Variants in DTHD1 observed in about 807,000 individuals in gnomAD.
DTHD1 encodes death domain containing 1.
Under a neutral mutation model 74.8 loss-of-function variants are expected in DTHD1, and 59 were observed. The ratio of observed to expected loss-of-function variants is 0.79; its 90% CI spans 0.64 to 0.98. The LOEUF (loss-of-function observed/expected upper bound fraction) is 0.98. DTHD1 is among the 50% of genes least tolerant of loss of function. The pLI, the probability that DTHD1 is intolerant of heterozygous loss-of-function variation, is 0.00. For missense variants in DTHD1, 1,051 were observed against 1,065.4 expected, an observed-to-expected ratio of 0.99 and a Z score of 0.19; for synonymous variants, 365 against 371.1, an observed-to-expected ratio of 0.98 and a Z score of 0.19.
intron 6 of DTHD1, 131 bp from the exon 7 acceptor site, chr4:36,308,073 G>A: frequency 1.1e-6 from 1 of 928,180 alleles, no homozygotes; most frequent in Non-Finnish European, 1.6e-6. Context: ...AATCTCACCT[G>A]TTGTCTTTGA....
Position 36,284,253 on chromosome 4 carries a change from T to C in DTHD1, c.549T>C (p.His183=), listed in dbSNP as rs1419928179. ...TCCAGTTAGAAAAAAATAAAACACATATGAGTTCAGCATTAGTGGAAAAAG... is the reference window on the plus strand; with the variant it reads ...TCCAGTTAGAAAAAAATAAAACACACATGAGTTCAGCATTAGTGGAAAAAG... The part of the protein sequence containing the change: ...NQVQLEKNKT[H]MSSALVEKEN... Residue 183 remains histidine, a synonymous_variant, in exon 2 of 10, where the codon CAT becomes CAC. Transcript: ENST00000639862. 4.6e-6 allele frequency: 7 copies of C among 1,536,964 alleles called. No homozygotes were observed. The highest frequency in any genetic ancestry group is 6.1e-6 in the Non-Finnish European group (7 of 1,146,846).
rs112894422 is a variant in DTHD1 at position 36,329,334 on chromosome 4, C to T, written c.2341-9778C>T. 1.2e-3 allele frequency among the ~76,000 whole-genome samples: 179 copies of T among 152,322 alleles called. 1 individual carries two copies. The highest frequency in any genetic ancestry group is 4.0e-3 in the African/African-American group (166 of 41,578). On this transcript the variant is annotated intron_variant, in intron 8 of 9. Coordinates refer to ENST00000639862, the MANE Select transcript of DTHD1 (RefSeq NM_001170700.3). ...CTCCTGAGTCAGAAGCTGGCTTCCT[C>T]AGCCATCTTGATTTTGAATACTTTG... is the stretch of plus-strand genomic sequence containing the variant.
At chr4:36,333,779 GT>G (rs1289289369) in intron 8 of DTHD1, 1 of 152,504 alleles carries the variant, frequency 6.6e-6, no homozygotes, top group East Asian at 1.9e-4. Flanking sequence ...CACAGAAGGA[GT>G]GTGGAGGGCT....
intron 7 of DTHD1, among the ~76,000 whole-genome samples, chr4:36,309,384 G>A (rs187231053): frequency 1.9e-3 from 283 of 152,310 alleles, no homozygotes; most frequent in Middle Eastern, 6.8e-3. Flanking sequence ...CCCGGGAGGC[G>A]GAGGTTGCAG....
intron 7 of DTHD1, among the ~76,000 whole-genome samples, chr4:36,314,487 C>CT (rs1757584127): frequency 8.1e-6 from 1 of 123,004 alleles, no homozygotes. Flanking sequence ...CCAGCCTGAG[C>CT]AACATGGTAA....
Position 36,346,915 on chromosome 4 carries a change from A to G in DTHD1, c.*3091A>G, listed in dbSNP as rs1309653453. 3.9e-5 allele frequency among the ~76,000 whole-genome samples: 6 copies of G among 152,018 alleles called. No individual in the cohort carries two copies. ...TGGTAATAGCTCTCTTGTTGTTTGG[A>G]GTAACTGTGTTATTCCTTGCAGTTC... is the stretch of plus-strand genomic sequence containing the variant. On this transcript the variant is annotated 3_prime_UTR_variant, in exon 10 of 10. Coordinates refer to ENST00000639862, the MANE Select transcript of DTHD1 (RefSeq NM_001170700.3).
At chr4:36,306,073 C>A in intron 5 of DTHD1, 118 bp from the exon 6 acceptor site, 5 of 1,005,802 alleles carry the variant, frequency 5.0e-6, no homozygotes, top group Non-Finnish European at 7.2e-6. Context: ...TAATTCCTGG[C>A]ACATAGTATG....
intron 5 of DTHD1, among the ~76,000 whole-genome samples, chr4:36,305,191 GA>G (rs1320372950): frequency 1.3e-5 from 2 of 152,202 alleles, no homozygotes; most frequent in African/African-American, 4.8e-5. Flanking sequence ...AAGTGCTTTA[GA>G]AATATTAATT....
At chr4:36,295,409 T>C (rs1271150402) in intron 5 of DTHD1, among the ~76,000 whole-genome samples, 1 of 152,084 alleles carries the variant, frequency 6.6e-6, no homozygotes, top group Non-Finnish European at 1.5e-5. Context: ...ATGCTGACAA[T>C]TGAATCAGAT....
At chr4:36,343,363 A>T in intron 9 of DTHD1, 139 bp from the exon 10 acceptor site, 1 of 702,570 alleles carries the variant, frequency 1.4e-6, no homozygotes, top group Non-Finnish European at 2.3e-6. Context: ...TTGTTGCTCC[A>T]GGTAGTCTCA....
intron 9 of DTHD1, among the ~76,000 whole-genome samples, chr4:36,340,279 T>A (rs1020108513): frequency 2.0e-5 from 3 of 152,142 alleles, no homozygotes; most frequent in Non-Finnish European, 1.5e-5. Flanking sequence ...TACAAGAAAT[T>A]TGTCAACAGG....
intron 5 of DTHD1, among the ~76,000 whole-genome samples, chr4:36,301,378 G>A (rs937086843): frequency 2.0e-5 from 3 of 152,018 alleles, no homozygotes; most frequent in African/African-American, 7.3e-5. Context: ...TAATAAAAAG[G>A]GTAATTTTGG....
At chr4:36,288,664 A>G (rs1169035135) in intron 2 of DTHD1, among the ~76,000 whole-genome samples, 1 of 152,176 alleles carries the variant, frequency 6.6e-6, no homozygotes, top group Non-Finnish European at 1.5e-5. Context: ...CCACTGGTCT[A>G]TGTGTCTATT....
chr4:36,338,964 T>A, intron 8 of DTHD1, 148 bp from the exon 9 acceptor site: 1 of 571,346 alleles, frequency 1.8e-6, no homozygotes, highest in Non-Finnish European at 3.0e-6. Flanking sequence ...TTGCTGAGCA[T>A]GCATGCACAA....
intron 5 of DTHD1, among the ~76,000 whole-genome samples, chr4:36,305,877 T>C (rs1757018364): frequency 1.3e-5 from 2 of 152,356 alleles, no homozygotes; most frequent in East Asian, 1.9e-4. Flanking sequence ...AAAGCTCATC[T>C]CAAATATTAG....
At chr4:36,343,001 G>C (rs1469349355) in intron 9 of DTHD1, among the ~76,000 whole-genome samples, 2 of 150,686 alleles carry the variant, frequency 1.3e-5, no homozygotes, top group Non-Finnish European at 2.9e-5. Context: ...GGCTAGACTA[G>C]AATCGCTTGA....
chr4:36,328,265 ATCTTACTTC>A (rs1758464435), intron 8 of DTHD1, among the ~76,000 whole-genome samples: 1 of 152,166 alleles, frequency 6.6e-6, no homozygotes, highest in Non-Finnish European at 1.5e-5. Flanking sequence ...TTCCACAGCA[ATCTTACTTC>A]TCTGTGGATT....
Position 36,283,805 on chromosome 4 carries a change from G to T in DTHD1, c.272-171G>T, listed in dbSNP as rs1755533953. 1.7e-5 allele frequency: 10 copies of T among 590,166 alleles called. No individual in the cohort carries two copies. The South Asian group carries it at 1.8e-4, about 10-fold the overall frequency. 36.6% of individuals were successfully genotyped at this position (590,166 alleles called of 1,614,324 possible). ...GTTGTCAATCCTACAATTGTTAAAA[G>T]AGTGACAGTTATACAATTACTTCTC... On this transcript the variant is annotated intron_variant, in intron 1 of 9. Transcript: ENST00000639862.
At chr4:36,326,986 A>C (rs932617691) in intron 8 of DTHD1, among the ~76,000 whole-genome samples, 45 of 150,160 alleles carry the variant, frequency 3.0e-4, no homozygotes, top group African/African-American at 1.1e-3. Flanking sequence ...TTCTTTCTTC[A>C]GACGGAGTCT....
Sources: allele counts gnomAD v4.1 joint callset (sites outside exome capture counted in the v4.1 genomes callset), GRCh38; gene constraint gnomAD v4.1.1; transcripts MANE v1.5; gene names NCBI Gene and HGNC (gene_info 2026-07-23, HGNC 2026-07-21).